Variants in COL27A1 observed in about 807,000 individuals in gnomAD.
COL27A1 encodes collagen alpha-1(XXVII) chain.
In COL27A1, 106 loss-of-function variants were observed where a neutral mutation model predicts 251.3. The ratio of observed to expected loss-of-function variants is 0.42; its 90% CI spans 0.36 to 0.50. The LOEUF (loss-of-function observed/expected upper bound fraction) is 0.50, where lower values mean the gene tolerates loss of function less well. Ranked by LOEUF, COL27A1 falls within the 20% of genes least tolerant of loss-of-function variation. COL27A1 has a pLI of 0.00. For missense variants in COL27A1, 2,325 were observed against 2,522.8 expected, an observed-to-expected ratio of 0.92 and a Z score of 1.68; for synonymous variants, 1,000 against 986.3, an observed-to-expected ratio of 1.01 and a Z score of -0.26.
chr9:114,172,944 A>G (rs2135112461), intron 3 of COL27A1, among the ~76,000 whole-genome samples: 1 of 152,324 alleles, frequency 6.6e-6, no homozygotes, highest in African/African-American at 2.4e-5. Flanking sequence ...TGACTGTGGG[A>G]CCTTTCAGTG....
At chr9:114,170,399 G>A (rs1444897970) in intron 3 of COL27A1, among the ~76,000 whole-genome samples, 1 of 152,210 alleles carries the variant, frequency 6.6e-6, no homozygotes, top group Non-Finnish European at 1.5e-5. Context: ...GGCGTTTCCA[G>A]AAGGCTCAGG....
chr9:114,172,253 C>G (rs1849372675), intron 3 of COL27A1, among the ~76,000 whole-genome samples: 2 of 152,178 alleles, frequency 1.3e-5, no homozygotes, highest in Non-Finnish European at 2.9e-5. Context: ...TCTTTCTGGC[C>G]TCTGCTGTCT....
rs777481360 is a variant in COL27A1 at position 114,301,672 on chromosome 9, G to A, written c.4810-10G>A. On this transcript the variant is annotated splice_polypyrimidine_tract_variant and intron_variant, in intron 54 of 60. Coordinates refer to ENST00000356083, the MANE Select transcript of COL27A1 (RefSeq NM_032888.4). Reference sequence around the variant, plus strand: ...GACCAGGGCTCACTCTTCTTCTCTTGTTCCCCCAGGGTCCTCCCGGCCCCA... The same window carrying A: ...GACCAGGGCTCACTCTTCTTCTCTTATTCCCCCAGGGTCCTCCCGGCCCCA... 1 of 1,606,102 alleles carries A rather than the reference G, an allele frequency of 6.2e-7. No homozygotes were observed. Among genetic ancestry groups the A allele is most frequent in the East Asian group, 2.2e-5 (1 of 44,804 alleles).
chr9:114,285,033 C>G (rs76579901), intron 41 of COL27A1, among the ~76,000 whole-genome samples: 2,442 of 152,338 alleles, frequency 0.016, 66 homozygotes, highest in African/African-American at 0.056. Flanking sequence ...TCCCTGCCCT[C>G]ACGGGGCTTA....
intron 25 of COL27A1, 77 bp downstream of exon 25, chr9:114,250,745 G>A: frequency 7.4e-7 from 1 of 1,344,396 alleles, no homozygotes; most frequent in Non-Finnish European, 1.1e-6. Context: ...GAGGCCCTTT[G>A]ACCTGGGGAT....
chr9:114,219,701 C>A, intron 12 of COL27A1, 90 bp from the exon 13 acceptor site: 1 of 904,348 alleles, frequency 1.1e-6, no homozygotes, highest in Non-Finnish European at 1.8e-6. Flanking sequence ...GGACATTGTC[C>A]TTGTGTCCCC....
intron 37 of COL27A1, among the ~76,000 whole-genome samples, chr9:114,277,677 G>T (rs889874013): frequency 2.0e-5 from 3 of 152,178 alleles, no homozygotes; most frequent in African/African-American, 7.2e-5. Context: ...ACTCAGTGGC[G>T]GGCTTGACTC....
At chr9:114,164,982 G>C (rs1848728340) in intron 2 of COL27A1, among the ~76,000 whole-genome samples, 1 of 152,188 alleles carries the variant, frequency 6.6e-6, no homozygotes, top group African/African-American at 2.4e-5. Flanking sequence ...GCTATCTCAA[G>C]ATCTGTTTCT....
intron 41 of COL27A1, 60 bp from the exon 42 acceptor site, chr9:114,288,395 G>A: frequency 6.4e-7 from 1 of 1,555,710 alleles, no homozygotes; most frequent in Admixed American, 1.8e-5. Flanking sequence ...TTTCCGTCTG[G>A]AATTCCCCAC....
At position 114,312,468 on chromosome 9, in the gene COL27A1, C is replaced by A. The variant is rs1829507883; in HGVS notation, c.*1773C>A. ...CCCAATGGGTTCCGTTTCTCCTTTT[C>A]CCCTCTGGATTTTAAATAAATATTT... On this transcript the variant is annotated 3_prime_UTR_variant, in exon 61 of 61. Coordinates refer to ENST00000356083, the MANE Select transcript of COL27A1 (RefSeq NM_032888.4). The A allele has an allele frequency of 6.6e-6, 1 of 152,186 alleles. No individual in the cohort carries two copies. The highest frequency in any genetic ancestry group is 1.5e-5 in the Non-Finnish European group (1 of 68,046). 9.4% of individuals were successfully genotyped at this position (152,186 alleles called of 1,614,324 possible).
chr9:114,162,171 G>C (rs1239731717), intron 1 of COL27A1, among the ~76,000 whole-genome samples: 2 of 152,182 alleles, frequency 1.3e-5, no homozygotes, highest in Non-Finnish European at 2.9e-5. Context: ...ACTGGTTCTG[G>C]TTAAGGGGTC....
intron 28 of COL27A1, among the ~76,000 whole-genome samples, chr9:114,261,707 C>T (rs957644391): frequency 6.6e-6 from 1 of 152,216 alleles, no homozygotes; most frequent in African/African-American, 2.4e-5. Flanking sequence ...ACCTGTATAC[C>T]CCCGGTGACG....
At chr9:114,270,140 C>G (rs925175047) in intron 35 of COL27A1, among the ~76,000 whole-genome samples, 5 of 152,192 alleles carry the variant, frequency 3.3e-5, no homozygotes, top group African/African-American at 1.2e-4. Flanking sequence ...CAGGCTTACT[C>G]CAGCTCCAGT....
At chr9:114,224,786 G>C (rs1831356583) in intron 14 of COL27A1, among the ~76,000 whole-genome samples, 1 of 151,118 alleles carries the variant, frequency 6.6e-6, no homozygotes, top group South Asian at 2.1e-4. Flanking sequence ...CCAAGTAGCT[G>C]GGACAACAGG....
intron 40 of COL27A1, among the ~76,000 whole-genome samples, chr9:114,284,296 G>T (rs912070877): frequency 6.6e-6 from 1 of 152,228 alleles, no homozygotes; most frequent in African/African-American, 2.4e-5. Flanking sequence ...AGCAGGGAAG[G>T]GAGGAGGAGG....
At chr9:114,201,206 C>T (rs1380001431) in intron 7 of COL27A1, among the ~76,000 whole-genome samples, 2 of 152,236 alleles carry the variant, frequency 1.3e-5, no homozygotes, top group Admixed American at 1.3e-4. Context: ...ACACCACGTT[C>T]CCTGGAGCTC....
intron 1 of COL27A1, among the ~76,000 whole-genome samples, chr9:114,156,540 T>A (rs1226852038): frequency 2.0e-5 from 3 of 152,110 alleles, no homozygotes. Context: ...TCTGGAAATC[T>A]CCGCGTGTTT....
chr9:114,302,508 C>T (rs998519230), intron 56 of COL27A1, among the ~76,000 whole-genome samples: 5 of 152,214 alleles, frequency 3.3e-5, no homozygotes, highest in Admixed American at 6.5e-5. Flanking sequence ...GAGCAGATCA[C>T]CTGAGGTCAG....
intron 12 of COL27A1, among the ~76,000 whole-genome samples, chr9:114,212,045 G>A (rs1414236116): frequency 6.6e-6 from 1 of 152,220 alleles, no homozygotes; most frequent in Non-Finnish European, 1.5e-5. Context: ...CATGTTAGCT[G>A]TTGGAGCGTT....
Sources: allele counts gnomAD v4.1 joint callset (sites outside exome capture counted in the v4.1 genomes callset), GRCh38; gene constraint gnomAD v4.1.1; transcripts MANE v1.5; gene names NCBI Gene and HGNC (gene_info 2026-07-23, HGNC 2026-07-21).